The following ZNF215 variants were observed in gnomAD, a reference collection of about 807,000 sequenced individuals.
ZNF215 encodes zinc finger protein 215.
A neutral mutation model predicts 27.2 loss-of-function variants in ZNF215; 24 were observed. That is an observed-to-expected ratio of 0.88 (90% CI 0.64 to 1.24). ZNF215 has a LOEUF of 1.24. ZNF215 is among the 50% of genes most tolerant of loss of function. The pLI, the probability that ZNF215 is intolerant of heterozygous loss-of-function variation, is 0.00. For synonymous variants in ZNF215, 210 were observed against 204.0 expected (o/e 1.03, Z -0.25); for missense variants, 675 against 605.7 (o/e 1.11, Z -1.20).
In ZNF215 at chr11:6,957,547, G is replaced by C; in HGVS notation, c.*1016G>C. The C allele has an allele frequency of 6.1e-6, 1 of 163,382 alleles. No homozygotes were observed. The highest frequency in any genetic ancestry group is 2.4e-5 in the African/African-American group (1 of 41,752). The allele number at this position is 163,382 out of a possible 1,614,324, so 10.1% of individuals were successfully genotyped here. Reference sequence around the variant, plus strand: ...CCGTCTTAAATGTGTATATAGCTCAGATTTATTTTAATGTCTGATATTGGA... The same window carrying C: ...CCGTCTTAAATGTGTATATAGCTCACATTTATTTTAATGTCTGATATTGGA... On this transcript the variant is annotated 3_prime_UTR_variant, in exon 7 of 7. Transcript: ENST00000278319.
chr11:6,935,344 C>T (rs1849396181), intron 3 of ZNF215, among the ~76,000 whole-genome samples: 1 of 152,072 alleles, frequency 6.6e-6, no homozygotes, highest in African/African-American at 2.4e-5. Context: ...GTGAGTGTGC[C>T]CTAATACACA....
At chr11:6,971,923 C>T (rs1211141572) in intron 5 of ZNF215, among the ~76,000 whole-genome samples, 1 of 152,104 alleles carries the variant, frequency 6.6e-6, no homozygotes, top group African/African-American at 2.4e-5. Context: ...AGAGTACTTA[C>T]AGAATAGCTA....
intron 3 of ZNF215, among the ~76,000 whole-genome samples, chr11:6,938,602 T>TAA (rs11418506): frequency 3.2e-4 from 48 of 150,240 alleles, no homozygotes; most frequent in South Asian, 1.7e-3. Flanking sequence ...TGATACATGT[T>TAA]AAAAAAAAAA....
chr11:6,988,250 C>T (rs1230789135), downstream of ZNF215: 7 of 985,404 alleles, frequency 7.1e-6, no homozygotes, highest in Non-Finnish European at 8.4e-6. Flanking sequence ...ATGAGGGGCA[C>T]TAAGCACTGC....
intron 6 of ZNF215, among the ~76,000 whole-genome samples, chr11:6,952,167 T>G (rs1229703079): frequency 1.3e-5 from 2 of 152,196 alleles, no homozygotes; most frequent in Admixed American, 1.3e-4. Flanking sequence ...TGTGGTCAGT[T>G]TTGGAATAGG....
chr11:6,929,342 T>G (rs1849173133), intron 2 of ZNF215, among the ~76,000 whole-genome samples: 1 of 152,252 alleles, frequency 6.6e-6, no homozygotes, highest in Non-Finnish European at 1.5e-5. Flanking sequence ...TTTGTATTAG[T>G]ATAGAACATT....
At chr11:6,985,318 A>T (rs1851037369), downstream of ZNF215, among the ~76,000 whole-genome samples, 1 of 152,204 alleles carries the variant, frequency 6.6e-6, no homozygotes, top group Non-Finnish European at 1.5e-5. Context: ...ATATTTACAT[A>T]AAAAGCTTTT....
intron 5 of ZNF215, among the ~76,000 whole-genome samples, chr11:6,967,571 T>A (rs888141971): frequency 2.0e-5 from 3 of 152,238 alleles, no homozygotes; most frequent in African/African-American, 7.2e-5. Flanking sequence ...GGTGAGCTTT[T>A]TTTCATATGC....
intron 3 of ZNF215, among the ~76,000 whole-genome samples, chr11:6,940,215 G>C (rs1011269147): frequency 7.4e-5 from 11 of 149,394 alleles, no homozygotes; most frequent in African/African-American, 2.7e-4. Flanking sequence ...AGCCTGGACT[G>C]AGCAAGACCC....
chr11:6,973,014 G>A (rs1033507839), intron 5 of ZNF215, among the ~76,000 whole-genome samples: 21 of 152,026 alleles, frequency 1.4e-4, no homozygotes, highest in South Asian at 4.1e-4. Flanking sequence ...CCATTAACTC[G>A]TCATTTACAT....
At chr11:6,989,150 CAAAAAAAAAAAA>C (rs71056776), downstream of ZNF215, among the ~76,000 whole-genome samples, 6 of 76,766 alleles carry the variant, frequency 7.8e-5, no homozygotes, top group South Asian at 1.3e-3. Context: ...AGATCCGTCT[CAAAAAAAAAAAA>C]AAAAAAAAAA....
Position 6,955,688 on chromosome 11 carries a change from A to G in ZNF215, c.713-2A>G. On this transcript the variant is annotated splice_acceptor_variant, in intron 6 of 6. Transcript: ENST00000278319. LOFTEE classifies it high-confidence loss of function. ...TTCATGGCATTTTTTATTTCTCTTT[A>G]GACATGAAGAGTATTTCTGGAGAAG... 6.5e-7 allele frequency: 1 copy of G among 1,539,744 alleles called. No homozygotes were observed. Among genetic ancestry groups the G allele is most frequent in the Non-Finnish European group, 8.7e-7 (1 of 1,150,384 alleles).
intron 6 of ZNF215, among the ~76,000 whole-genome samples, chr11:6,953,268 C>G (rs143273602): frequency 0.017 from 2,518 of 152,206 alleles, 78 homozygotes; most frequent in African/African-American, 0.057. Context: ...TTTCCTGAAT[C>G]TGAATGTTGG....
At chr11:6,968,935 G>T (rs1850674121) in intron 5 of ZNF215, among the ~76,000 whole-genome samples, 1 of 151,928 alleles carries the variant, frequency 6.6e-6, no homozygotes, top group African/African-American at 2.4e-5. Context: ...ATAAAACAAG[G>T]CTTGAATAAA....
rs185670567 is a variant in ZNF215 at position 6,937,746 on chromosome 11, A to T, written c.401-3825A>T. Among the ~76,000 whole-genome samples the T allele has an allele frequency of 3.3e-3, 499 of 151,974 alleles. 3 individuals carry two copies. Among genetic ancestry groups the T allele is most frequent in the South Asian group, 0.015 (73 of 4,828 alleles). On this transcript the variant is annotated intron_variant, in intron 3 of 6. Transcript: ENST00000278319. ...GACAAGGGTGTCAAGGCATTAAATG[A>T]GAAAATAATAGTTTTTCAACAAATA... is the stretch of plus-strand genomic sequence containing the variant.
intron 3 of ZNF215, among the ~76,000 whole-genome samples, chr11:6,939,597 C>CTT (rs1311873251): frequency 6.6e-6 from 1 of 152,000 alleles, no homozygotes; most frequent in Non-Finnish European, 1.5e-5. Context: ...AAAAAGGTGC[C>CTT]TTTGATGATG....
chr11:6,970,781 A>G lies in ZNF215; in HGVS notation c.806-13348A>G, dbSNP rs572892961. On this transcript the variant is annotated intron_variant, in intron 5 of 5. Coordinates refer to the ZNF215 transcript ENST00000529903. ...AGTGTGCAGATACCTACTACAACAT[A>G]TGCTCTGCTTCTTACTGAGCACAAA... Among the ~76,000 whole-genome samples, 6 of 152,272 alleles carry G rather than the reference A, an allele frequency of 3.9e-5. No individual in the cohort carries two copies. The South Asian group carries it at 1.2e-3, about 32-fold the overall frequency.
chr11:6,943,007 T>G (rs1281581813), intron 4 of ZNF215, 76 bp from the exon 5 acceptor site: 5 of 1,553,846 alleles, frequency 3.2e-6, no homozygotes, highest in African/African-American at 1.4e-5. Context: ...CCTACCCTAT[T>G]CCTTCAAATC....
chr11:6,947,055 G>A (rs1372435336), intron 6 of ZNF215, among the ~76,000 whole-genome samples: 1 of 151,988 alleles, frequency 6.6e-6, no homozygotes, highest in Non-Finnish European at 1.5e-5. Flanking sequence ...TTTATTCATG[G>A]TGTCTGCCAC....
Sources: allele counts gnomAD v4.1 joint callset (sites outside exome capture counted in the v4.1 genomes callset), GRCh38; gene constraint gnomAD v4.1.1; transcripts MANE v1.5; gene names NCBI Gene and HGNC (gene_info 2026-07-23, HGNC 2026-07-21).